The following OR52N2 variants were observed in gnomAD, a reference collection of about 807,000 sequenced individuals.
OR52N2 encodes the protein olfactory receptor 52N2.
For missense variants in OR52N2, 326 were observed against 196.6 expected, an observed-to-expected ratio of 1.66 and a Z score of -3.94; for synonymous variants, 129 against 72.0, an observed-to-expected ratio of 1.79 and a Z score of -4.01.
In OR52N2 at chr11:5,820,497, G is replaced by A. The variant is rs895070476; in HGVS notation, c.162G>A (p.Glu54=). 1.3e-6 allele frequency: 1 copy of A among 778,898 alleles called. No individual in the cohort carries two copies. The highest frequency in any genetic ancestry group is 1.7e-5 in the African/African-American group (1 of 59,216). 48.2% of individuals were successfully genotyped at this position (778,898 alleles called of 1,614,324 possible). Reference sequence around the variant, plus strand: ...GGCTCATCTGCCTCATCAGCCATGAGGAGGCCCTGCACCGGCCCATGTACT... The same window carrying A: ...GGCTCATCTGCCTCATCAGCCATGAAGAGGCCCTGCACCGGCCCATGTACT... ...NCGLICLISH[E]EALHRPMYYF... is the part of the protein sequence containing the mutation. The change falls in exon 2 of 2, where the codon GAG becomes GAA. Residue 54 remains glutamate (E), a synonymous_variant. Transcript: ENST00000317037.
At chr11:5,815,664 T>G (rs941671670) in intron 1 of OR52N2, among the ~76,000 whole-genome samples, 1 of 152,128 alleles carries the variant, frequency 6.6e-6, no homozygotes, top group African/African-American at 2.4e-5. Context: ...GAAAACAGTA[T>G]GGTAGTTCCT....
intron 1 of OR52N2, among the ~76,000 whole-genome samples, chr11:5,815,875 T>C (rs12222332): frequency 0.49 from 68,683 of 140,908 alleles, 17,052 homozygotes; most frequent in Non-Finnish European, 0.59. Context: ...AAATGTAGTA[T>C]GTATGTGTAT....
chr11:5,811,516 T>C (rs1208917707), intron 1 of OR52N2, among the ~76,000 whole-genome samples: 1 of 152,134 alleles, frequency 6.6e-6, no homozygotes, highest in Non-Finnish European at 1.5e-5. Flanking sequence ...TTTATAAATA[T>C]AGAATGTTTT....
Position 5,820,798 on chromosome 11 carries a change from G to A in OR52N2, c.463G>A (p.Val155Met). Residue 155 changes from valine (V) to methionine (M), a missense_variant, in exon 2 of 2, where the codon GTG (valine) becomes ATG (methionine). Physicochemically the swap from Val to Met is conservative, Grantham distance 21. Coordinates refer to ENST00000317037, the MANE Select transcript of OR52N2 (RefSeq NM_001005174.3). ...KAGLATFLRNVMLIIPFTLLT... is the reference protein window; with the variant it reads ...KAGLATFLRNMMLIIPFTLLT... Reference sequence around the variant, plus strand: ...TGGTCTTGCCACCTTCTTGAGGAATGTGATGCTCATCATCCCATTCACTCT... The same window carrying A: ...TGGTCTTGCCACCTTCTTGAGGAATATGATGCTCATCATCCCATTCACTCT... 1 of 774,264 alleles carries A rather than the reference G, an allele frequency of 1.3e-6. No homozygotes were observed. The highest frequency in any genetic ancestry group is 2.4e-6 in the Non-Finnish European group (1 of 415,064). The allele number at this position is 774,264 out of a possible 1,614,324, so 48.0% of individuals were successfully genotyped here.
Position 5,821,031 on chromosome 11 carries a change from A to G in OR52N2, c.696A>G (p.Ser232=), listed in dbSNP as rs1434958615. 6.4e-6 allele frequency: 5 copies of G among 780,916 alleles called. No individual in the cohort carries two copies. Among genetic ancestry groups the G allele is most frequent in the Non-Finnish European group, 1.2e-5 (5 of 418,112 alleles). 48.4% of individuals were successfully genotyped at this position (780,916 alleles called of 1,614,324 possible). A position where few individuals can be genotyped will look rare whatever the true frequency, so the allele number is the denominator to read the frequency against. ...TGCAGGCTGTTATGAGCCTGTCATCAGCAGATGCTCGTCACAAAGCCTTCA... is the reference window on the plus strand; with the variant it reads ...TGCAGGCTGTTATGAGCCTGTCATCGGCAGATGCTCGTCACAAAGCCTTCA... The part of the protein sequence containing the change: ...MILQAVMSLS[S]ADARHKAFST... The change falls in exon 2 of 2, where the codon TCA becomes TCG. Residue 232 remains serine, a synonymous_variant. Transcript: ENST00000317037.
chr11:5,820,511 G>GGCCC lies in OR52N2; in HGVS notation c.177_180dup (p.Met61AlafsTer13). 1.3e-6 allele frequency: 1 copy of GGCCC among 778,396 alleles called. No individual in the cohort carries two copies. Among genetic ancestry groups the GGCCC allele is most frequent in the East Asian group, 2.4e-5 (1 of 41,212 alleles). 48.2% of individuals were successfully genotyped at this position (778,396 alleles called of 1,614,324 possible). A position where few individuals can be genotyped will look rare whatever the true frequency, so the allele number is the denominator to read the frequency against. ...ATCAGCCATGAGGAGGCCCTGCACC[G>GGCCC]GCCCATGTACTACTTCCTGGCCCTG... On this transcript the variant is annotated frameshift_variant, in exon 2 of 2. Transcript: ENST00000317037. LOFTEE classifies it low-confidence loss of function (END_TRUNC).
intron 1 of OR52N2, among the ~76,000 whole-genome samples, chr11:5,818,376 AC>A (rs1246615712): frequency 1.3e-5 from 2 of 152,198 alleles, no homozygotes; most frequent in Non-Finnish European, 2.9e-5. Context: ...TTTAAACAGA[AC>A]CCACGGAGAC....
intron 1 of OR52N2, among the ~76,000 whole-genome samples, chr11:5,811,552 G>C (rs905953253): frequency 6.6e-6 from 1 of 151,870 alleles, no homozygotes; most frequent in Non-Finnish European, 1.5e-5. Flanking sequence ...TAACCACAAA[G>C]CAAAAACCTA....
In OR52N2 at chr11:5,820,321, C is replaced by T. The variant is rs372641030; in HGVS notation, c.-15C>T. 46 of 779,252 alleles carry T rather than the reference C, an allele frequency of 5.9e-5. No homozygotes were observed. Among genetic ancestry groups the T allele is most frequent in the East Asian group, 2.7e-4 (11 of 41,230 alleles). The allele number at this position is 779,252 out of a possible 1,614,324, so 48.3% of individuals were successfully genotyped here. On this transcript the variant is annotated 5_prime_UTR_variant, in exon 2 of 2. Coordinates refer to ENST00000317037, the MANE Select transcript of OR52N2 (RefSeq NM_001005174.3). ...CTGCTAAAGAGTATAAAATGCTCTC[C>T]TCCTGTCAGCCATCATGTCTGGGGA... is the stretch of plus-strand genomic sequence containing the variant.
intron 1 of OR52N2, among the ~76,000 whole-genome samples, chr11:5,818,717 G>A (rs1590367809): frequency 1.3e-5 from 2 of 152,030 alleles, no homozygotes; most frequent in Admixed American, 1.3e-4. Context: ...TTCTTTCTGG[G>A]TGGCTTCCAC....
At chr11:5,809,341 G>A (rs1052349343) in intron 1 of OR52N2, among the ~76,000 whole-genome samples, 3 of 152,110 alleles carry the variant, frequency 2.0e-5, no homozygotes, top group South Asian at 2.1e-4. Flanking sequence ...CCCATGGGCT[G>A]TGTCACTCCC....
At chr11:5,819,052 G>A (rs1846426081) in intron 1 of OR52N2, among the ~76,000 whole-genome samples, 1 of 152,038 alleles carries the variant, frequency 6.6e-6, no homozygotes, top group Admixed American at 6.6e-5. Context: ...AGAATGTTTC[G>A]GTCACAGAAC....
chr11:5,815,801 C>T (rs1485632548), intron 1 of OR52N2, among the ~76,000 whole-genome samples: 1 of 152,032 alleles, frequency 6.6e-6, no homozygotes, highest in Non-Finnish European at 1.5e-5. Context: ...GCATTATTCA[C>T]AGTAACCAAG....
Position 5,821,256 on chromosome 11 carries a change from T to C in OR52N2, c.921T>C (p.Ile307=), listed in dbSNP as rs956752118. The C allele has an allele frequency of 3.8e-6, 3 of 780,652 alleles. No individual in the cohort carries two copies. The highest frequency in any genetic ancestry group is 7.2e-6 in the Non-Finnish European group (3 of 418,030). 48.4% of individuals were successfully genotyped at this position (780,652 alleles called of 1,614,324 possible). Residue 307 remains isoleucine (I), a synonymous_variant, in exon 2 of 2, where the codon ATT becomes ATC. Transcript: ENST00000317037. ...VKTKQIQEGV[I]KFLLGDKVSF... ...CCAAGCAGATTCAGGAAGGTGTAAT[T>C]AAATTTTTACTTGGAGACAAGGTTA... is the stretch of plus-strand genomic sequence containing the variant.
chr11:5,815,945 ATG>A (rs1554954110), intron 1 of OR52N2, among the ~76,000 whole-genome samples: 3 of 151,026 alleles, frequency 2.0e-5, no homozygotes, highest in Non-Finnish European at 4.4e-5. Flanking sequence ...GTATATATAT[ATG>A]TATGTGTGTA....
intron 1 of OR52N2, among the ~76,000 whole-genome samples, chr11:5,809,462 G>A (rs1035873887): frequency 2.0e-5 from 3 of 152,114 alleles, no homozygotes; most frequent in African/African-American, 7.2e-5. Flanking sequence ...AGTTTCCGGG[G>A]AACAATGAGT....
At chr11:5,818,275 T>C (rs1175498266) in intron 1 of OR52N2, among the ~76,000 whole-genome samples, 4 of 152,100 alleles carry the variant, frequency 2.6e-5, no homozygotes, top group Non-Finnish European at 5.9e-5. Context: ...TTGGTGACCA[T>C]ATTTCCCACT....
chr11:5,821,102 C>A lies in OR52N2; in HGVS notation c.767C>A (p.Ala256Asp). 1 of 781,034 alleles carries A rather than the reference C, an allele frequency of 1.3e-6. No individual in the cohort carries two copies. The allele number at this position is 781,034 out of a possible 1,614,324, so 48.4% of individuals were successfully genotyped here. A position where few individuals can be genotyped will look rare whatever the true frequency, so the allele number is the denominator to read the frequency against. The change falls in exon 2 of 2, where the codon GCT becomes GAT. Residue 256 changes from alanine to aspartate, a missense_variant. Coordinates refer to ENST00000317037, the MANE Select transcript of OR52N2 (RefSeq NM_001005174.3). ...TGTTCCATTGTGATCACCTATGTTG[C>A]TGCTTTTTTCACTTTTTTCACTCAT... Reference protein sequence around the residue: ...HMCSIVITYVAAFFTFFTHRF... With the variant: ...HMCSIVITYVDAFFTFFTHRF...
At chr11:5,816,777 A>G (rs112039019) in intron 1 of OR52N2, among the ~76,000 whole-genome samples, 9,365 of 152,080 alleles carry the variant, frequency 0.062, 337 homozygotes, top group African/African-American at 0.09. Flanking sequence ...GGGCCCCCCA[A>G]AGTGCTGGGA....
Sources: allele counts gnomAD v4.1 joint callset (sites outside exome capture counted in the v4.1 genomes callset), GRCh38; gene constraint gnomAD v4.1.1; transcripts MANE v1.5; gene names NCBI Gene and HGNC (gene_info 2026-07-23, HGNC 2026-07-21).